The following NALF1 variants were observed in gnomAD, a reference collection of about 807,000 sequenced individuals.
NALF1 encodes family with sequence similarity 155 member A.
In NALF1, 3 loss-of-function variants were observed where a neutral mutation model predicts 48.4. The ratio of observed to expected loss-of-function variants is 0.06; its 90% CI spans 0.03 to 0.16. The LOEUF (loss-of-function observed/expected upper bound fraction) is 0.16. Among genes scored for constraint, NALF1 ranks in the 10% least tolerant of loss-of-function variants. The pLI is 1.00. For missense variants in NALF1, 526 were observed against 571.5 expected (o/e 0.92, Z 0.81); for synonymous variants, 262 against 245.7 (o/e 1.07, Z -0.62).
intron 1 of NALF1, among the ~76,000 whole-genome samples, chr13:107,536,524 A>G (rs984933529): frequency 6.6e-6 from 1 of 152,180 alleles, no homozygotes; most frequent in Non-Finnish European, 1.5e-5. Context: ...CAAAACTACA[A>G]TGAGATACCA....
At chr13:107,758,038 G>A (rs1352370148) in intron 1 of NALF1, among the ~76,000 whole-genome samples, 1 of 152,132 alleles carries the variant, frequency 6.6e-6, no homozygotes, top group African/African-American at 2.4e-5. Context: ...ATATCCAACT[G>A]ATGGTGGCAT....
chr13:107,236,689 CTATCT>C (rs1486733256), intron 1 of NALF1, among the ~76,000 whole-genome samples: 5 of 145,068 alleles, frequency 3.4e-5, no homozygotes, highest in Non-Finnish European at 6.0e-5. Context: ...ATCTATCTAT[CTATCT>C]ATCTATCTAT....
At chr13:107,318,702 A>C (rs1282524925) in intron 1 of NALF1, among the ~76,000 whole-genome samples, 2 of 152,020 alleles carry the variant, frequency 1.3e-5, no homozygotes, top group Non-Finnish European at 2.9e-5. Flanking sequence ...TACTTTTACT[A>C]ATTTTTCCTA....
intron 1 of NALF1, among the ~76,000 whole-genome samples, chr13:107,325,879 TATATATATAC>T (rs1162789633): frequency 1.7e-4 from 18 of 105,986 alleles, no homozygotes; most frequent in Admixed American, 4.2e-4. Flanking sequence ...TATATATATA[TATATATATAC>T]ACACACACAC....
At position 107,600,546 on chromosome 13, in the gene NALF1, A is replaced by G. The variant is rs140071860; in HGVS notation, c.915+265136T>C. Among the ~76,000 whole-genome samples the G allele has an allele frequency of 1.7e-3, 257 of 152,320 alleles. 7 individuals carry two copies. Among genetic ancestry groups the G allele is most frequent in the Admixed American group, 0.015 (226 of 15,300 alleles). ...AAAATATTTCAATGTTTTTTTGAATAGCTAACTTACTCCACAAACTGAGAT... is the reference window on the plus strand; with the variant it reads ...AAAATATTTCAATGTTTTTTTGAATGGCTAACTTACTCCACAAACTGAGAT... On this transcript the variant is annotated intron_variant, in intron 1 of 2. Transcript: ENST00000375915.
In NALF1 at chr13:107,208,880, T is replaced by TC. The variant is rs1594070875; in HGVS notation, c.1087+1703dup. Among the ~76,000 whole-genome samples, 6 of 151,938 alleles carry TC rather than the reference T, an allele frequency of 3.9e-5. No homozygotes were observed. The East Asian group carries it at 1.2e-3, about 30-fold the overall frequency. On this transcript the variant is annotated intron_variant, in intron 2 of 2. Transcript: ENST00000375915. The stretch of plus-strand genomic sequence containing the variant: ...ATTCCTTCTTTCCCTCTTCCCTCCT[T>TC]CCTCCCCCTCCTCCCCCTCCAGCAG...
intron 1 of NALF1, among the ~76,000 whole-genome samples, chr13:107,813,003 G>A (rs1016810401): frequency 1.3e-5 from 2 of 152,064 alleles, no homozygotes; most frequent in African/African-American, 4.8e-5. Flanking sequence ...AGATCTACCT[G>A]CCTCAGCCTC....
chr13:107,842,072 C>T (rs990062130), intron 1 of NALF1, among the ~76,000 whole-genome samples: 26 of 151,538 alleles, frequency 1.7e-4, no homozygotes, highest in Non-Finnish European at 2.9e-4. Flanking sequence ...AATTTGATTC[C>T]ATTTAGAACA....
intron 1 of NALF1, among the ~76,000 whole-genome samples, chr13:107,721,110 ACACAC>A (rs1228491037): frequency 8.8e-4 from 1 of 1,138 alleles, no homozygotes; most frequent in Non-Finnish European, 4.5e-3. Flanking sequence ...AGATCTCAAT[ACACAC>A]ACACACACAC....
intron 1 of NALF1, among the ~76,000 whole-genome samples, chr13:107,699,576 G>A (rs534227101): frequency 1.8e-3 from 275 of 152,076 alleles, no homozygotes; most frequent in Non-Finnish European, 3.0e-3. Flanking sequence ...AAAAACAAGG[G>A]GAAGAAATAT....
chr13:107,338,793 C>T (rs1882610813), intron 1 of NALF1, among the ~76,000 whole-genome samples: 1 of 152,042 alleles, frequency 6.6e-6, no homozygotes, highest in Non-Finnish European at 1.5e-5. Context: ...ACCTGTTTGC[C>T]CCGCGTGTTT....
chr13:107,791,519 AC>A (rs1026822123), intron 1 of NALF1, among the ~76,000 whole-genome samples: 5 of 152,126 alleles, frequency 3.3e-5, no homozygotes, highest in Non-Finnish European at 7.4e-5. Flanking sequence ...AACCCAAAAA[AC>A]ATTAGTTTAG....
rs148740116 is a variant in NALF1 at position 107,419,413 on chromosome 13, C to G, written c.916-208658G>C. Among the ~76,000 whole-genome samples the G allele has an allele frequency of 2.7e-3, 418 of 152,300 alleles. 3 individuals are homozygous for G. The highest frequency in any genetic ancestry group is 9.6e-3 in the African/African-American group (401 of 41,564). ...ACACAATATCGCTGTAAAGCTAATCCTGTCATGAACAGAAAATGAGATATA... is the reference window on the plus strand; with the variant it reads ...ACACAATATCGCTGTAAAGCTAATCGTGTCATGAACAGAAAATGAGATATA... On this transcript the variant is annotated intron_variant, in intron 1 of 2. Transcript: ENST00000375915.
intron 1 of NALF1, among the ~76,000 whole-genome samples, chr13:107,455,374 AT>A (rs1884807532): frequency 6.6e-6 from 1 of 152,134 alleles, no homozygotes; most frequent in African/African-American, 2.4e-5. Flanking sequence ...TTAAAAAAAA[AT>A]AGTTTCAGAG....
chr13:107,284,042 T>C (rs1051779030), intron 1 of NALF1, among the ~76,000 whole-genome samples: 1 of 152,024 alleles, frequency 6.6e-6, no homozygotes, highest in Admixed American at 6.6e-5. Context: ...CTCAAAAACA[T>C]TAAAAGACAA....
intron 1 of NALF1, among the ~76,000 whole-genome samples, chr13:107,594,577 C>A (rs891507276): frequency 4.6e-5 from 7 of 151,962 alleles, no homozygotes; most frequent in Middle Eastern, 3.4e-3. Context: ...TTCAAAGAAA[C>A]CTAAAACAAA....
chr13:107,699,513 C>A lies in NALF1; in HGVS notation c.915+166169G>T, dbSNP rs980238558. 3.9e-5 allele frequency among the ~76,000 whole-genome samples: 6 copies of A among 152,020 alleles called. 1 individual carries two copies. The highest frequency in any genetic ancestry group is 8.8e-5 in the Non-Finnish European group (6 of 67,982). ...CAGCAACATTTATGTCAAGCAAGAACCCCCACAGACAGTGCAAATATGTTG... is the reference window on the plus strand; with the variant it reads ...CAGCAACATTTATGTCAAGCAAGAAACCCCACAGACAGTGCAAATATGTTG... On this transcript the variant is annotated intron_variant, in intron 1 of 2. Transcript: ENST00000375915.
At chr13:107,657,882 A>G (rs1421126760) in intron 1 of NALF1, among the ~76,000 whole-genome samples, 1 of 152,166 alleles carries the variant, frequency 6.6e-6, no homozygotes, top group Admixed American at 6.5e-5. Flanking sequence ...CATGAATGTC[A>G]TGATTTAGAA....
chr13:107,298,947 C>T (rs188419073), intron 1 of NALF1, among the ~76,000 whole-genome samples: 2,266 of 152,032 alleles, frequency 0.015, 62 homozygotes, highest in African/African-American at 0.052. Flanking sequence ...ATTTTTTTCC[C>T]CTAATGTTCT....
Sources: allele counts gnomAD v4.1 joint callset (sites outside exome capture counted in the v4.1 genomes callset), GRCh38; gene constraint gnomAD v4.1.1; transcripts MANE v1.5; gene names NCBI Gene and HGNC (gene_info 2026-07-23, HGNC 2026-07-21).